C8orf34: variants seen among roughly 807,000 people sequenced by gnomAD.
C8orf34 encodes uncharacterized protein C8orf34.
In C8orf34, 65 loss-of-function variants were observed where a neutral mutation model predicts 68.3. The observed-to-expected ratio is 0.95, with a 90% CI of 0.78 to 1.17. The LOEUF (loss-of-function observed/expected upper bound fraction) is 1.17. Among genes scored for constraint, C8orf34 ranks in the 50% most tolerant of loss-of-function variants. The pLI is 0.00. For missense variants in C8orf34, 664 were observed against 655.4 expected, an observed-to-expected ratio of 1.01 and a Z score of -0.14; for synonymous variants, 244 against 241.2, an observed-to-expected ratio of 1.01 and a Z score of -0.11.
chr8:68,579,749 A>G (rs978887925), intron 7 of C8orf34, among the ~76,000 whole-genome samples: 6 of 152,170 alleles, frequency 3.9e-5, no homozygotes, highest in Non-Finnish European at 7.3e-5. Flanking sequence ...AGGGTAACAG[A>G]ATGCATGAAT....
At chr8:68,458,235 CA>C (rs1811635188) in intron 3 of C8orf34, among the ~76,000 whole-genome samples, 1 of 152,130 alleles carries the variant, frequency 6.6e-6, no homozygotes. Context: ...CTCTATTGTG[CA>C]GCATATAATT....
chr8:68,712,681 C>T (rs946423081), intron 9 of C8orf34, among the ~76,000 whole-genome samples: 6 of 151,922 alleles, frequency 3.9e-5, no homozygotes, highest in African/African-American at 1.5e-4. Flanking sequence ...CTGGAGCTCC[C>T]AAATTTATAA....
At chr8:68,463,240 G>A (rs532114883) in intron 3 of C8orf34, among the ~76,000 whole-genome samples, 2 of 152,254 alleles carry the variant, frequency 1.3e-5, no homozygotes, top group East Asian at 3.9e-4. Context: ...GACTAAACCA[G>A]GAAGAAGTTG....
intron 10 of C8orf34, among the ~76,000 whole-genome samples, chr8:68,764,663 G>A (rs1823118011): frequency 6.6e-6 from 1 of 152,120 alleles, no homozygotes; most frequent in South Asian, 2.1e-4. Flanking sequence ...AAGGTTGAGG[G>A]GAAGGAGACA....
At chr8:68,724,594 G>T (rs928151348) in intron 10 of C8orf34, among the ~76,000 whole-genome samples, 1 of 152,104 alleles carries the variant, frequency 6.6e-6, no homozygotes, top group Non-Finnish European at 1.5e-5. Flanking sequence ...TAAGCAAGTC[G>T]TTCTTCTGGA....
At chr8:68,466,738 C>T (rs866351355) in intron 3 of C8orf34, among the ~76,000 whole-genome samples, 12 of 120,628 alleles carry the variant, frequency 9.9e-5, no homozygotes, top group East Asian at 2.1e-4. Flanking sequence ...CAACGTTGTA[C>T]ATATATATAT....
At chr8:68,785,801 C>A (rs1416459046) in intron 11 of C8orf34, among the ~76,000 whole-genome samples, 1 of 152,118 alleles carries the variant, frequency 6.6e-6, no homozygotes, top group Non-Finnish European at 1.5e-5. Context: ...AGTTTTACTG[C>A]CCTAAAATAT....
chr8:68,663,686 G>A (rs1204363701), intron 8 of C8orf34, among the ~76,000 whole-genome samples: 5 of 152,174 alleles, frequency 3.3e-5, no homozygotes, highest in Admixed American at 3.3e-4. Context: ...AGTGCCTTGT[G>A]AGAGCAGATA....
intron 7 of C8orf34, among the ~76,000 whole-genome samples, chr8:68,574,189 G>C (rs1816836463): frequency 6.6e-6 from 1 of 151,832 alleles, no homozygotes; most frequent in Non-Finnish European, 1.5e-5. Context: ...TTCAACATCT[G>C]TATACATATG....
intron 10 of C8orf34, among the ~76,000 whole-genome samples, chr8:68,773,754 A>C (rs1009234849): frequency 2.0e-5 from 3 of 152,068 alleles, no homozygotes; most frequent in African/African-American, 7.2e-5. Flanking sequence ...TACAAATGGC[A>C]GTTACAACCA....
chr8:68,498,117 G>A (rs777099296), intron 5 of C8orf34, among the ~76,000 whole-genome samples: 5 of 152,062 alleles, frequency 3.3e-5, no homozygotes, highest in Non-Finnish European at 5.9e-5. Flanking sequence ...CATGAGCCAC[G>A]GTGCCCAGCT....
intron 1 of C8orf34, among the ~76,000 whole-genome samples, chr8:68,352,296 A>T (rs905613816): frequency 5.3e-5 from 8 of 152,046 alleles, no homozygotes; most frequent in African/African-American, 1.7e-4. Flanking sequence ...TATTATATTA[A>T]AATGTGGGCC....
intron 3 of C8orf34, among the ~76,000 whole-genome samples, chr8:68,455,876 A>C (rs1285682077): frequency 6.6e-6 from 1 of 152,014 alleles, no homozygotes; most frequent in Non-Finnish European, 1.5e-5. Context: ...TAAAGAAAAA[A>C]GGAAAAAGAC....
intron 7 of C8orf34, among the ~76,000 whole-genome samples, chr8:68,566,626 C>G (rs770301650): frequency 6.6e-6 from 1 of 152,196 alleles, no homozygotes; most frequent in African/African-American, 2.4e-5. Flanking sequence ...GAGAGTTAGG[C>G]CTTTATAGAA....
intron 7 of C8orf34, among the ~76,000 whole-genome samples, chr8:68,584,690 G>T (rs1817157614): frequency 1.3e-5 from 2 of 152,060 alleles, no homozygotes; most frequent in Non-Finnish European, 2.9e-5. Context: ...GAGAAACATT[G>T]TTTAAAACAT....
In C8orf34 at chr8:68,427,226, A is replaced by T. The variant is rs190331961; in HGVS notation, c.328-12273A>T. On this transcript the variant is annotated intron_variant, in intron 1 of 13. Coordinates refer to ENST00000518698, the MANE Select transcript of C8orf34 (RefSeq NM_052958.4). ...AAATGAAACCTCATGTGTACAAAAA[A>T]ACCTATACAGAAATGTTTATAGCAA... 1.9e-3 allele frequency among the ~76,000 whole-genome samples: 292 copies of T among 152,298 alleles called. 4 individuals carry two copies. Among genetic ancestry groups the T allele is most frequent in the Non-Finnish European group, 1.5e-3 (105 of 68,022 alleles).
chr8:68,515,714 T>A (rs945989512), intron 5 of C8orf34, among the ~76,000 whole-genome samples: 2 of 152,238 alleles, frequency 1.3e-5, no homozygotes, highest in African/African-American at 4.8e-5. Flanking sequence ...TTCCAGGTTT[T>A]TCACTGAATG....
intron 7 of C8orf34, among the ~76,000 whole-genome samples, chr8:68,616,452 C>G (rs1818217243): frequency 6.6e-6 from 1 of 152,190 alleles, no homozygotes; most frequent in African/African-American, 2.4e-5. Context: ...CCTATACACA[C>G]TGCTTTGAAT....
At chr8:68,420,791 A>G (rs1809932538) in intron 1 of C8orf34, among the ~76,000 whole-genome samples, 1 of 152,216 alleles carries the variant, frequency 6.6e-6, no homozygotes, top group South Asian at 2.1e-4. Context: ...AGCAGGATTA[A>G]ACATAGCTGA....
Sources: allele counts gnomAD v4.1 joint callset (sites outside exome capture counted in the v4.1 genomes callset), GRCh38; gene constraint gnomAD v4.1.1; transcripts MANE v1.5; gene names NCBI Gene and HGNC (gene_info 2026-07-23, HGNC 2026-07-21).